The following YTHDC2 variants were observed in gnomAD, a reference collection of about 807,000 sequenced individuals.
YTHDC2 encodes the protein 3'-5' RNA helicase YTHDC2.
Under a neutral mutation model 174.9 loss-of-function variants are expected in YTHDC2, and 45 were observed. The observed-to-expected ratio is 0.26, with a 90% confidence interval of 0.20 to 0.33. The LOEUF (loss-of-function observed/expected upper bound fraction) is 0.33, where lower values mean the gene tolerates loss of function less well. YTHDC2 is among the 10% of genes least tolerant of loss of function. YTHDC2 has a pLI of 1.00. For synonymous variants in YTHDC2, 657 were observed against 574.5 expected, an observed-to-expected ratio of 1.14 and a Z score of -2.05; for missense variants, 1,650 against 1,723.7, an observed-to-expected ratio of 0.96 and a Z score of 0.76.
chr5:113,586,865 C>G (rs898254258), intron 26 of YTHDC2, among the ~76,000 whole-genome samples: 6 of 139,360 alleles, frequency 4.3e-5, no homozygotes, highest in African/African-American at 1.6e-4. Flanking sequence ...CTCTCTCTCT[C>G]TCTCTCTCTA....
intron 26 of YTHDC2, among the ~76,000 whole-genome samples, chr5:113,586,755 CA>C (rs1408797921): frequency 6.7e-6 from 1 of 149,714 alleles, no homozygotes; most frequent in Non-Finnish European, 1.5e-5. Flanking sequence ...TTGTTAAAAC[CA>C]TTTGTTTTTT....
chr5:113,562,389 G>A (rs1032046411), intron 18 of YTHDC2, among the ~76,000 whole-genome samples: 2 of 150,874 alleles, frequency 1.3e-5, no homozygotes, highest in African/African-American at 4.9e-5. Flanking sequence ...TTTGGCTAAT[G>A]CTGGCTTCCA....
chr5:113,542,763 T>C (rs181319712), intron 10 of YTHDC2, among the ~76,000 whole-genome samples: 65 of 152,366 alleles, frequency 4.3e-4, no homozygotes, highest in Non-Finnish European at 5.3e-4. Context: ...GACAATTATG[T>C]GCAAAAATGC....
Position 113,567,650 on chromosome 5 carries a change from A to G in YTHDC2, c.3049-4A>G, listed in dbSNP as rs776136231. The G allele has an allele frequency of 1.3e-6, 2 of 1,582,824 alleles. No individual in the cohort carries two copies. The highest frequency in any genetic ancestry group is 8.5e-7 in the Non-Finnish European group (1 of 1,170,050). Reference sequence around the variant, plus strand: ...ACAATTTTTAAAATTTATTTTCTTAATAGATTCCTCCAGCCAATGGTCAAG... The same window carrying G: ...ACAATTTTTAAAATTTATTTTCTTAGTAGATTCCTCCAGCCAATGGTCAAG... On this transcript the variant is annotated splice_region_variant and splice_polypyrimidine_tract_variant and intron_variant, in intron 22 of 29. Coordinates refer to ENST00000161863, the MANE Select transcript of YTHDC2 (RefSeq NM_022828.5).
chr5:113,531,388 A>G (rs900660863), intron 4 of YTHDC2, among the ~76,000 whole-genome samples: 3 of 152,126 alleles, frequency 2.0e-5, no homozygotes, highest in South Asian at 2.1e-4. Context: ...TTCAGTATAG[A>G]TTAAATGACA....
At chr5:113,560,053 T>G (rs1262955366) in intron 17 of YTHDC2, among the ~76,000 whole-genome samples, 2 of 152,232 alleles carry the variant, frequency 1.3e-5, no homozygotes, top group African/African-American at 4.8e-5. Context: ...AAAGCTTCAC[T>G]AGAAAGTCCT....
intron 28 of YTHDC2, 188 bp downstream of exon 28, chr5:113,592,366 G>A (rs2112830620): frequency 2.1e-6 from 1 of 481,308 alleles, no homozygotes; most frequent in Non-Finnish European, 3.5e-6. Context: ...GCTCCTTGCA[G>A]TCAGAGTCTC....
At position 113,556,077 on chromosome 5, in the gene YTHDC2, T is replaced by C. The variant is rs746437792; in HGVS notation, c.2159T>C (p.Val720Ala). 2.5e-6 allele frequency: 4 copies of C among 1,608,220 alleles called. No individual in the cohort carries two copies. The South Asian group carries it at 3.3e-5, about 13-fold the overall frequency. ...KEKSFDALNF[V>A]TMLKMVWISK... ...AAATCCTTTGATGCTCTGAATTTTG[T>C]TACAATGTTAAAAATGGTATGGATT... The change falls in exon 17 of 30, where the codon GTT becomes GCT. Residue 720 changes from valine to alanine, a missense_variant. Around this residue, in one of 5 missense-constraint regions of YTHDC2, gnomAD observed 913 missense variants for 940.4 expected, o/e 0.97. Coordinates refer to ENST00000161863, the MANE Select transcript of YTHDC2 (RefSeq NM_022828.5).
At chr5:113,568,355 A>G (rs1232747546) in intron 23 of YTHDC2, among the ~76,000 whole-genome samples, 1 of 152,082 alleles carries the variant, frequency 6.6e-6, no homozygotes, top group Non-Finnish European at 1.5e-5. Context: ...GGCATAATGC[A>G]TTTTTTTCCT....
intron 18 of YTHDC2, among the ~76,000 whole-genome samples, chr5:113,561,957 G>GGTGGGTGGGTGGGT (rs1347716150): frequency 1.3e-4 from 17 of 134,952 alleles, no homozygotes; most frequent in African/African-American, 4.0e-4. Flanking sequence ...ATTAATTGTG[G>GGTGGGTGGGTGGGT]GTGTGTGTGT....
chr5:113,591,098 A>G lies in YTHDC2; in HGVS notation c.3883A>G (p.Ser1295Gly). 6.2e-7 allele frequency: 1 copy of G among 1,614,004 alleles called. No homozygotes were observed. Among genetic ancestry groups the G allele is most frequent in the East Asian group, 2.2e-5 (1 of 44,854 alleles). ...GCCTGTTCGATACTTCATAATGAAG[A>G]GTAGCAATTTGAGAAACCTTGAAAT... Reference protein sequence around the residue: ...NMPVRYFIMKSSNLRNLEISQ... With the variant: ...NMPVRYFIMKGSNLRNLEISQ... The change falls in exon 27 of 30, where the codon AGT becomes GGT. Residue 1295 changes from serine to glycine, a missense_variant. Around this residue, in one of 5 missense-constraint regions of YTHDC2, gnomAD observed 913 missense variants for 940.4 expected, o/e 0.97. Transcript: ENST00000161863.
chr5:113,515,180 A>C (rs546581811), intron 1 of YTHDC2, 92 bp from the exon 2 acceptor site: 2 of 808,336 alleles, frequency 2.5e-6, no homozygotes, highest in East Asian at 5.0e-5. Flanking sequence ...TTGATTGTCT[A>C]TGTATGTTTT....
At position 113,541,015 on chromosome 5, in the gene YTHDC2, A is replaced by C. The variant is rs770770631; in HGVS notation, c.1258A>C (p.Asn420His). 3 of 1,614,142 alleles carry C rather than the reference A, an allele frequency of 1.9e-6. No homozygotes were observed. The highest frequency in any genetic ancestry group is 2.2e-5 in the South Asian group (2 of 91,086). Reference sequence around the variant, plus strand: ...TACAGAATGGTACTCAGCTCAAGAAAATAGTTTCAAGCCTGAATCTCAGAG... The same window carrying C: ...TACAGAATGGTACTCAGCTCAAGAACATAGTTTCAAGCCTGAATCTCAGAG... Reference protein sequence around the residue: ...TLTEWYSAQENSFKPESQRQR... With the variant: ...TLTEWYSAQEHSFKPESQRQR... Residue 420 changes from asparagine (N) to histidine (H), a missense_variant, in exon 9 of 30, where the codon AAT becomes CAT. Physicochemically the swap from Asn to His is moderately conservative, Grantham distance 68. This residue lies in a region of YTHDC2 where 411 missense variants were observed against 380.6 expected (regional missense o/e 1.08). Coordinates refer to ENST00000161863, the MANE Select transcript of YTHDC2 (RefSeq NM_022828.5).
chr5:113,576,001 C>T (rs1263315620), intron 23 of YTHDC2, among the ~76,000 whole-genome samples: 2 of 152,044 alleles, frequency 1.3e-5, no homozygotes, highest in Non-Finnish European at 2.9e-5. Flanking sequence ...TAGCTTGTCA[C>T]TCATTTGAGA....
At chr5:113,533,235 G>C (rs192308454) in intron 5 of YTHDC2, among the ~76,000 whole-genome samples, 190 bp downstream of exon 5, 5 of 152,230 alleles carry the variant, frequency 3.3e-5, no homozygotes, top group Admixed American at 3.3e-4. Context: ...AAAAGACTTT[G>C]AACCATAGAT....
At chr5:113,524,249 A>G (rs951205948) in intron 2 of YTHDC2, among the ~76,000 whole-genome samples, 7 of 152,246 alleles carry the variant, frequency 4.6e-5, no homozygotes, top group Non-Finnish European at 8.8e-5. Flanking sequence ...TTCAAAACAC[A>G]TCTGGGAAAT....
chr5:113,584,237 C>T, intron 25 of YTHDC2, 65 bp from the exon 26 acceptor site: 1 of 1,380,004 alleles, frequency 7.2e-7, no homozygotes, highest in Non-Finnish European at 9.9e-7. Context: ...TAAACTTATA[C>T]ATAACTGATC....
chr5:113,592,299 A>G, intron 28 of YTHDC2, 121 bp downstream of exon 28: 1 of 990,912 alleles, frequency 1.0e-6, no homozygotes, highest in Non-Finnish European at 1.4e-6. Flanking sequence ...CACATGGGAA[A>G]CAGGGGTTCA....
In YTHDC2 at chr5:113,593,591, A is replaced by C; in HGVS notation, c.*117A>C. ...CGAATGGGCTTTTTAACACTTTTAG[A>C]GTGTTGCTTTAGAACTACCATCTTC... On this transcript the variant is annotated 3_prime_UTR_variant, in exon 30 of 30. Coordinates refer to ENST00000161863, the MANE Select transcript of YTHDC2 (RefSeq NM_022828.5). 1 of 417,654 alleles carries C rather than the reference A, an allele frequency of 2.4e-6. No homozygotes were observed. 25.9% of individuals were successfully genotyped at this position (417,654 alleles called of 1,614,324 possible). A position where few individuals can be genotyped will look rare whatever the true frequency, so the allele number is the denominator to read the frequency against.
Sources: allele counts gnomAD v4.1 joint callset (sites outside exome capture counted in the v4.1 genomes callset), GRCh38; gene constraint gnomAD v4.1.1; regional missense constraint gnomAD v4.1.1; transcripts MANE v1.5; gene names NCBI Gene and HGNC (gene_info 2026-07-23, HGNC 2026-07-21).